Variants in SGCZ observed in about 807,000 individuals in gnomAD.
SGCZ encodes zeta-sarcoglycan.
A neutral mutation model predicts 41.3 loss-of-function variants in SGCZ; 40 were observed. The observed-to-expected ratio is 0.97, with a 90% CI of 0.75 to 1.26. The LOEUF (loss-of-function observed/expected upper bound fraction) is 1.26. Among genes scored for constraint, SGCZ ranks in the 50% most tolerant of loss-of-function variants. The pLI is 0.00. For missense variants in SGCZ, 552 were observed against 369.8 expected (o/e 1.49, Z -4.04); for synonymous variants, 206 against 137.5 (o/e 1.50, Z -3.49).
At chr8:14,116,635 T>G (rs905100815) in intron 5 of SGCZ, among the ~76,000 whole-genome samples, 1 of 152,118 alleles carries the variant, frequency 6.6e-6, no homozygotes, top group African/African-American at 2.4e-5. Context: ...TCTTTTTTGT[T>G]TCTGTGAGAT....
At chr8:14,523,574 C>T (rs569222401) in intron 2 of SGCZ, among the ~76,000 whole-genome samples, 2 of 152,046 alleles carry the variant, frequency 1.3e-5, no homozygotes, top group East Asian at 1.9e-4. Context: ...TGTTATTTCC[C>T]TCTTATTGCT....
chr8:15,018,012 G>A (rs934506231), intron 1 of SGCZ, among the ~76,000 whole-genome samples: 7 of 152,160 alleles, frequency 4.6e-5, no homozygotes, highest in African/African-American at 1.7e-4. Flanking sequence ...TTACAGGTGT[G>A]AGCCACTGCG....
At chr8:14,446,651 C>G (rs1245879050) in intron 2 of SGCZ, among the ~76,000 whole-genome samples, 2 of 152,104 alleles carry the variant, frequency 1.3e-5, no homozygotes, top group African/African-American at 4.8e-5. Context: ...AATTTATATG[C>G]ACTTAAAAAT....
chr8:14,393,148 T>C (rs1054971510), intron 2 of SGCZ, among the ~76,000 whole-genome samples: 8 of 152,294 alleles, frequency 5.3e-5, no homozygotes, highest in South Asian at 2.1e-4. Flanking sequence ...GTCTGATACG[T>C]ATAAAGGATA....
chr8:14,132,146 T>A (rs2117059907), intron 5 of SGCZ, among the ~76,000 whole-genome samples: 1 of 152,306 alleles, frequency 6.6e-6, no homozygotes, highest in East Asian at 1.9e-4. Flanking sequence ...ATTCCTTTTT[T>A]TCATTTCTGC....
At chr8:14,106,487 C>CTTGT (rs1240496863) in intron 6 of SGCZ, among the ~76,000 whole-genome samples, 2 of 152,118 alleles carry the variant, frequency 1.3e-5, no homozygotes, top group Non-Finnish European at 2.9e-5. Flanking sequence ...TGTTCCCTAG[C>CTTGT]TTGTTTGAAT....
intron 1 of SGCZ, among the ~76,000 whole-genome samples, chr8:15,017,027 C>G (rs1279412428): frequency 6.6e-6 from 1 of 152,112 alleles, no homozygotes; most frequent in African/African-American, 2.4e-5. Flanking sequence ...CCACTAGACT[C>G]CACCTTCAAC....
intron 4 of SGCZ, among the ~76,000 whole-genome samples, chr8:14,184,103 T>C: frequency 6.6e-6 from 1 of 152,172 alleles, no homozygotes; most frequent in East Asian, 1.9e-4. Context: ...TCATATAATG[T>C]AAATTTATTC....
rs766296298 is a variant in SGCZ, at chr8:14,134,732, C to T, written c.548-26497G>A. Among the ~76,000 whole-genome samples, 10 of 152,162 alleles carry T rather than the reference C, an allele frequency of 6.6e-5. 1 individual carries two copies. Among genetic ancestry groups the T allele is most frequent in the Middle Eastern group, 6.8e-3 (2 of 294 alleles). On this transcript the variant is annotated intron_variant, in intron 5 of 7. Transcript: ENST00000382080. ...TCTGTATAGGCTGCCGCAAAGACTTCGTTTTCTCTGTGTCCTGATTTCACA... is the reference window on the plus strand; with the variant it reads ...TCTGTATAGGCTGCCGCAAAGACTTTGTTTTCTCTGTGTCCTGATTTCACA...
At chr8:14,693,768 T>A (rs553209503) in intron 1 of SGCZ, among the ~76,000 whole-genome samples, 76 of 151,728 alleles carry the variant, frequency 5.0e-4, no homozygotes, top group African/African-American at 1.8e-3. Context: ...TTTTTTGTAT[T>A]TTTAGTAGGG....
intron 6 of SGCZ, among the ~76,000 whole-genome samples, chr8:14,104,750 T>C (rs1802149415): frequency 6.6e-6 from 1 of 152,086 alleles, no homozygotes; most frequent in Non-Finnish European, 1.5e-5. Flanking sequence ...TATTTATTAA[T>C]GATGTGTATT....
At chr8:14,617,822 G>T (rs548714720) in intron 1 of SGCZ, among the ~76,000 whole-genome samples, 4 of 149,444 alleles carry the variant, frequency 2.7e-5, no homozygotes, top group Admixed American at 6.8e-5. Context: ...AGATGGAAAA[G>T]TAAGTTTTTA....
At chr8:14,201,199 G>C (rs775277859) in intron 4 of SGCZ, among the ~76,000 whole-genome samples, 12 of 152,104 alleles carry the variant, frequency 7.9e-5, no homozygotes, top group Admixed American at 2.6e-4. Context: ...TTAGCACTCT[G>C]AATAACATTT....
At chr8:14,763,258 T>A (rs534102772) in intron 1 of SGCZ, among the ~76,000 whole-genome samples, 12 of 152,160 alleles carry the variant, frequency 7.9e-5, no homozygotes, top group African/African-American at 2.9e-4. Flanking sequence ...GCTTGTGAGA[T>A]ACTGTTCATT....
chr8:14,405,877 T>G (rs560211191), intron 2 of SGCZ, among the ~76,000 whole-genome samples: 1 of 152,118 alleles, frequency 6.6e-6, no homozygotes, highest in Non-Finnish European at 1.5e-5. Context: ...TTCAAAAAGG[T>G]TTTTCTCTTT....
chr8:14,546,828 A>C (rs1803643445), intron 2 of SGCZ, among the ~76,000 whole-genome samples: 1 of 152,188 alleles, frequency 6.6e-6, no homozygotes, highest in African/African-American at 2.4e-5. Flanking sequence ...AGTAGCATTA[A>C]TACAATGAAA....
At chr8:14,577,384 C>CTTTT (rs57432939) in intron 1 of SGCZ, among the ~76,000 whole-genome samples, 28 of 111,882 alleles carry the variant, frequency 2.5e-4, no homozygotes, top group African/African-American at 7.5e-4. Context: ...AGAAATATAT[C>CTTTT]TTTTTTTTTT....
intron 1 of SGCZ, among the ~76,000 whole-genome samples, chr8:15,202,750 A>G (rs1268261416): frequency 6.6e-6 from 1 of 152,208 alleles, no homozygotes; most frequent in African/African-American, 2.4e-5. Flanking sequence ...AACTATCAAT[A>G]CCTTTTAGAA....
In SGCZ at chr8:14,699,059, T is replaced by C. The variant is rs191856564; in HGVS notation, c.40-144133A>G. Among the ~76,000 whole-genome samples the C allele has an allele frequency of 2.6e-5, 4 of 151,838 alleles. No homozygotes were observed. The East Asian group carries it at 7.7e-4, about 29-fold the overall frequency. ...AATACTATGAAAATCATCTAACTTC[T>C]TTGAGCTTTAATTTATACAAACAAA... is the stretch of plus-strand genomic sequence containing the variant. On this transcript the variant is annotated intron_variant, in intron 1 of 7. Coordinates refer to ENST00000382080, the MANE Select transcript of SGCZ (RefSeq NM_139167.4).
Sources: allele counts gnomAD v4.1 joint callset (sites outside exome capture counted in the v4.1 genomes callset), GRCh38; gene constraint gnomAD v4.1.1; transcripts MANE v1.5; gene names NCBI Gene and HGNC (gene_info 2026-07-23, HGNC 2026-07-21).